Variants in TRDN observed in about 807,000 individuals in gnomAD.
TRDN encodes triadin in skeletal muscle.
A neutral mutation model predicts 149.7 loss-of-function variants in TRDN; 161 were observed. The observed-to-expected ratio is 1.08, with a 90% CI of 0.95 to 1.23. The LOEUF (loss-of-function observed/expected upper bound fraction) is 1.23. Among genes scored for constraint, TRDN ranks in the 50% most tolerant of loss-of-function variants. TRDN has a pLI of 0.00. For synonymous variants in TRDN, 294 were observed against 250.5 expected (o/e 1.17, Z -1.64); for missense variants, 896 against 823.5 (o/e 1.09, Z -1.08).
chr6:123,504,284 G>C (rs1778822680), intron 7 of TRDN, among the ~76,000 whole-genome samples: 2 of 152,172 alleles, frequency 1.3e-5, no homozygotes, highest in South Asian at 4.1e-4. Context: ...ATACCAAACA[G>C]CCCAGTGAAG....
chr6:123,393,929 C>A (rs1412078394), intron 12 of TRDN, among the ~76,000 whole-genome samples: 2 of 152,068 alleles, frequency 1.3e-5, no homozygotes, highest in Non-Finnish European at 1.5e-5. Context: ...TGTTAACTGG[C>A]CATGGAATAT....
chr6:123,226,386 G>A (rs6929076), intron 38 of TRDN, among the ~76,000 whole-genome samples: 8,091 of 151,860 alleles, frequency 0.053, 639 homozygotes, highest in African/African-American at 0.19. Context: ...GGCAAAGTCC[G>A]TGTCCAAAAG....
intron 38 of TRDN, among the ~76,000 whole-genome samples, chr6:123,237,545 G>A (rs1027407054): frequency 6.6e-6 from 1 of 152,150 alleles, no homozygotes; most frequent in Admixed American, 6.5e-5. Context: ...ACTGCGCCCT[G>A]ACACCCTACT....
At position 123,274,659 on chromosome 6, in the gene TRDN, T is replaced by A. The variant is rs1192853066; in HGVS notation, c.1579A>T (p.Lys527Ter). Reference protein sequence around the residue: ...KKEEKPEPQIKKEAKPAISEK... With the variant: ...KKEEKPEPQI ...ATGTTACCTGGTTTTGCTTCTTTTT[T>A]AATTTGGGGCTCTGAGGGAGAGAAA... The change falls in exon 27 of 41, where the codon AAA becomes TAA. Residue 527 changes from lysine (K) to a stop codon, truncating the protein, a stop_gained. Coordinates refer to ENST00000334268, the MANE Select transcript of TRDN (RefSeq NM_006073.4). LOFTEE classifies it high-confidence loss of function. 1.9e-6 allele frequency: 3 copies of A among 1,608,674 alleles called. No homozygotes were observed. Among genetic ancestry groups the A allele is most frequent in the Admixed American group, 1.7e-5 (1 of 59,648 alleles).
chr6:123,396,519 T>C (rs1251718614), intron 12 of TRDN, among the ~76,000 whole-genome samples: 1 of 152,218 alleles, frequency 6.6e-6, no homozygotes, highest in Non-Finnish European at 1.5e-5. Flanking sequence ...AATTGATAAA[T>C]AGTATTTTGG....
intron 7 of TRDN, among the ~76,000 whole-genome samples, chr6:123,510,642 C>CT (rs145396385): frequency 5.2e-4 from 72 of 138,490 alleles, no homozygotes; most frequent in African/African-American, 1.7e-3. Flanking sequence ...TGCATGACCA[C>CT]TTTTTTTTTT....
chr6:123,369,458 T>A (rs942824862), intron 19 of TRDN, among the ~76,000 whole-genome samples: 1 of 152,096 alleles, frequency 6.6e-6, no homozygotes, highest in African/African-American at 2.4e-5. Context: ...TGAGCAGTCA[T>A]CGAAGCTGAA....
At chr6:123,226,586 C>T (rs1228713187) in intron 38 of TRDN, among the ~76,000 whole-genome samples, 1 of 151,812 alleles carries the variant, frequency 6.6e-6, no homozygotes, top group South Asian at 2.1e-4. Context: ...ACATGTCAAT[C>T]GCTCAGGAGA....
chr6:123,246,053 C>T lies in TRDN; in HGVS notation c.1975+6359G>A, dbSNP rs145893820. Among the ~76,000 whole-genome samples, 495 of 152,204 alleles carry T rather than the reference C, an allele frequency of 3.3e-3. 1 individual carries two copies. Among genetic ancestry groups the T allele is most frequent in the Admixed American group, 4.1e-3 (63 of 15,266 alleles). On this transcript the variant is annotated intron_variant, in intron 38 of 40. Coordinates refer to ENST00000334268, the MANE Select transcript of TRDN (RefSeq NM_006073.4). ...TTTGGCAGCAGTGAGAATGAAGACA[C>T]AATGTACCAGAATCTCTGGAACACA...
chr6:123,284,100 G>A (rs1777716575), intron 24 of TRDN, among the ~76,000 whole-genome samples: 2 of 125,700 alleles, frequency 1.6e-5, no homozygotes, highest in Admixed American at 8.2e-5. Context: ...CCCAAAAATT[G>A]GTACCAATTC....
intron 4 of TRDN, among the ~76,000 whole-genome samples, chr6:123,534,314 T>G (rs1780411779): frequency 6.6e-6 from 1 of 152,162 alleles, no homozygotes; most frequent in African/African-American, 2.4e-5. Context: ...GACAAAAAAT[T>G]ATTTCTGATG....
chr6:123,230,703 A>G (rs1316237017), intron 38 of TRDN, among the ~76,000 whole-genome samples: 4 of 151,928 alleles, frequency 2.6e-5, no homozygotes, highest in Non-Finnish European at 5.9e-5. Context: ...TTCTTCATAC[A>G]AAAGATTAAT....
At chr6:123,435,496 GTC>G (rs34601296) in intron 12 of TRDN, among the ~76,000 whole-genome samples, 25,556 of 147,604 alleles carry the variant, frequency 0.17, 2,787 homozygotes, top group African/African-American at 0.33. Flanking sequence ...CAATCTCTCT[GTC>G]TCTCTCTCTC....
intron 11 of TRDN, among the ~76,000 whole-genome samples, chr6:123,438,324 A>ATTTTT (rs146284588): frequency 3.3e-5 from 5 of 151,306 alleles, no homozygotes; most frequent in Admixed American, 6.6e-5. Flanking sequence ...AGGAAACAGA[A>ATTTTT]CTTTTTTTTT....
At chr6:123,298,689 T>C (rs1487351529) in intron 24 of TRDN, among the ~76,000 whole-genome samples, 1 of 152,066 alleles carries the variant, frequency 6.6e-6, no homozygotes, top group Non-Finnish European at 1.5e-5. Flanking sequence ...AATTTATTTA[T>C]TGAGAAATTT....
intron 18 of TRDN, among the ~76,000 whole-genome samples, chr6:123,377,007 T>C (rs1781534443): frequency 6.6e-6 from 1 of 152,122 alleles, no homozygotes; most frequent in South Asian, 2.1e-4. Context: ...AAATTTTCAT[T>C]TGAAATGATT....
chr6:123,631,382 T>C (rs1260900971), intron 1 of TRDN, among the ~76,000 whole-genome samples: 1 of 152,030 alleles, frequency 6.6e-6, no homozygotes, highest in African/African-American at 2.4e-5. Flanking sequence ...TCCCATGACC[T>C]ATCTCAAAAA....
chr6:123,406,998 CAGGGTG>C (rs1203271987), intron 12 of TRDN, among the ~76,000 whole-genome samples: 2 of 151,754 alleles, frequency 1.3e-5, no homozygotes, highest in Admixed American at 1.3e-4. Flanking sequence ...GCTCCAAGCT[CAGGGTG>C]CTTGCTGAGA....
At chr6:123,464,754 C>A (rs945472376) in intron 10 of TRDN, 152 bp downstream of exon 10, 36 of 1,401,630 alleles carry the variant, frequency 2.6e-5, no homozygotes, top group Non-Finnish European at 3.2e-5. Flanking sequence ...AAGCAAATTG[C>A]AATTTTAGGA....
Sources: allele counts gnomAD v4.1 joint callset (sites outside exome capture counted in the v4.1 genomes callset), GRCh38; gene constraint gnomAD v4.1.1; transcripts MANE v1.5; gene names NCBI Gene and HGNC (gene_info 2026-07-23, HGNC 2026-07-21).